R3HDM2: variants seen among roughly 807,000 people sequenced by gnomAD.
The protein encoded by R3HDM2 is R3H domain-containing protein 2.
In R3HDM2, 38 loss-of-function variants were observed where a neutral mutation model predicts 124.5. The observed-to-expected ratio is 0.31, with a 90% CI of 0.24 to 0.40. The LOEUF is 0.40. R3HDM2 is among the 10% of genes least tolerant of loss of function. R3HDM2 has a pLI of 1.00. For synonymous variants in R3HDM2, 391 were observed against 448.0 expected, an observed-to-expected ratio of 0.87 and a Z score of 1.61; for missense variants, 869 against 1,236.9, an observed-to-expected ratio of 0.70 and a Z score of 4.46.
chr12:57,353,106 CA>C lies in R3HDM2; in HGVS notation c.-36+42642del, dbSNP rs148326703. Among the ~76,000 whole-genome samples, 1,250 of 152,116 alleles carry C rather than the reference CA, an allele frequency of 8.2e-3. 14 individuals carry two copies. The highest frequency in any genetic ancestry group is 0.028 in the African/African-American group (1,167 of 41,526). ...AGGATTTCTTGAATAAGAATTAGCA[CA>C]AATCAGAAAAAACATTGAAACTTTT... On this transcript the variant is annotated intron_variant, in intron 2 of 23. Coordinates refer to ENST00000402412, the MANE Select transcript of R3HDM2 (RefSeq NM_001394031.1).
Position 57,313,505 on chromosome 12 carries a change from A to T in R3HDM2, c.-35-3042T>A, listed in dbSNP as rs534986241. Among the ~76,000 whole-genome samples the T allele has an allele frequency of 2.0e-5, 3 of 151,784 alleles. No homozygotes were observed. The East Asian group carries it at 5.8e-4, about 29-fold the overall frequency. On this transcript the variant is annotated intron_variant, in intron 2 of 23. Coordinates refer to ENST00000402412, the MANE Select transcript of R3HDM2 (RefSeq NM_001394031.1). Reference sequence around the variant, plus strand: ...CTTGAGCCCAGGAGGTCAAGGATGCATTGAGCCATGACTCTGCCACTGCAC... The same window carrying T: ...CTTGAGCCCAGGAGGTCAAGGATGCTTTGAGCCATGACTCTGCCACTGCAC...
chr12:57,299,183 G>C (rs2050561320), intron 6 of R3HDM2, among the ~76,000 whole-genome samples, 169 bp downstream of exon 6: 1 of 152,198 alleles, frequency 6.6e-6, no homozygotes, highest in Admixed American at 6.5e-5. Context: ...CCTAAGGCAG[G>C]TTCAGTTAAA....
At chr12:57,343,459 G>C (rs946125855) in intron 2 of R3HDM2, among the ~76,000 whole-genome samples, 6 of 151,918 alleles carry the variant, frequency 3.9e-5, no homozygotes, top group Non-Finnish European at 8.8e-5. Context: ...AAAATGCTGG[G>C]ATTACAGACG....
At chr12:57,331,558 TATA>T (rs769572446) in intron 2 of R3HDM2, among the ~76,000 whole-genome samples, 1 of 152,084 alleles carries the variant, frequency 6.6e-6, no homozygotes, top group Non-Finnish European at 1.5e-5. Context: ...GTGCCTGGCA[TATA>T]ATAAGTATAT....
rs960403717 is a variant in R3HDM2 at position 57,254,655 on chromosome 12, G to T, written c.*118C>A. ...GTTTCCATCTTCATCACTGTCTTAG[G>T]TTCCAGTTTAACATCAGTTTCCTTA... On this transcript the variant is annotated 3_prime_UTR_variant, in exon 24 of 24. Transcript: ENST00000402412. 31 of 883,124 alleles carry T rather than the reference G, an allele frequency of 3.5e-5. No individual in the cohort carries two copies. The highest frequency in any genetic ancestry group is 6.7e-5 in the African/African-American group (4 of 59,266). The allele number at this position is 883,124 out of a possible 1,614,324, so 54.7% of individuals were successfully genotyped here.
intron 2 of R3HDM2, among the ~76,000 whole-genome samples, chr12:57,319,792 A>G (rs921292747): frequency 6.6e-6 from 1 of 152,162 alleles, no homozygotes; most frequent in Non-Finnish European, 1.5e-5. Context: ...AAGATAAACT[A>G]AGCATAAAAC....
At chr12:57,375,460 AG>A (rs1301287819) in intron 2 of R3HDM2, among the ~76,000 whole-genome samples, 10 of 152,308 alleles carry the variant, frequency 6.6e-5, no homozygotes, top group Admixed American at 4.6e-4. Flanking sequence ...CTATTTTTAG[AG>A]GAAAAAAATG....
intron 2 of R3HDM2, among the ~76,000 whole-genome samples, chr12:57,337,546 G>C (rs989195394): frequency 1.3e-5 from 2 of 151,988 alleles, no homozygotes; most frequent in African/African-American, 4.8e-5. Context: ...ATTTTTTTAA[G>C]TCACTGCAAA....
At chr12:57,288,761 G>T (rs1161956429) in intron 12 of R3HDM2, 4 of 1,018,408 alleles carry the variant, frequency 3.9e-6, no homozygotes, top group East Asian at 5.2e-5. Flanking sequence ...TCCACAAGCA[G>T]CCATGCATGG....
At chr12:57,264,356 G>C (rs2041750527) in intron 19 of R3HDM2, among the ~76,000 whole-genome samples, 1 of 123,404 alleles carries the variant, frequency 8.1e-6, no homozygotes, top group Non-Finnish European at 1.6e-5. Context: ...AGGAGTTCAA[G>C]AACAGCCTGG....
chr12:57,427,222 T>C (rs1360920839), intron 1 of R3HDM2, among the ~76,000 whole-genome samples: 2 of 150,640 alleles, frequency 1.3e-5, no homozygotes, highest in African/African-American at 2.4e-5. Flanking sequence ...ACCCGGGAGG[T>C]GGAGGTTGCA....
chr12:57,360,876 C>A (rs1045300746), intron 2 of R3HDM2, among the ~76,000 whole-genome samples: 1 of 151,204 alleles, frequency 6.6e-6, no homozygotes, highest in African/African-American at 2.4e-5. Context: ...CACGGTGAAA[C>A]CCTGTCTCTA....
At chr12:57,340,947 A>T (rs1455464537) in intron 2 of R3HDM2, among the ~76,000 whole-genome samples, 12 of 152,192 alleles carry the variant, frequency 7.9e-5, no homozygotes, top group Non-Finnish European at 1.5e-4. Context: ...CTAAGAGTAT[A>T]TATAACAATT....
At chr12:57,407,020 G>A (rs144957022) in intron 1 of R3HDM2, among the ~76,000 whole-genome samples, 5,670 of 152,154 alleles carry the variant, frequency 0.037, 202 homozygotes, top group East Asian at 0.2. Flanking sequence ...AGGCCAAGGC[G>A]GGCGGATTGC....
At chr12:57,430,496 CACCG>C in intron 1 of R3HDM2, 1 of 940,702 alleles carries the variant, frequency 1.1e-6, no homozygotes, top group Non-Finnish European at 1.3e-6. Flanking sequence ...CCTGCCCCCG[CACCG>C]CCGCCCTCCG....
At chr12:57,286,187 G>C (rs1016267540) in intron 12 of R3HDM2, among the ~76,000 whole-genome samples, 1 of 152,156 alleles carries the variant, frequency 6.6e-6, no homozygotes, top group Non-Finnish European at 1.5e-5. Flanking sequence ...TGTAAAATCA[G>C]AGCTGATTAG....
intron 1 of R3HDM2, among the ~76,000 whole-genome samples, chr12:57,422,757 G>A (rs59470370): frequency 0.063 from 9,508 of 151,236 alleles, 406 homozygotes; most frequent in East Asian, 0.21. Flanking sequence ...AGGACAGGAC[G>A]ACTGCTTGAG....
intron 2 of R3HDM2, among the ~76,000 whole-genome samples, chr12:57,334,165 C>G (rs1224577293): frequency 6.6e-6 from 1 of 152,206 alleles, no homozygotes; most frequent in Non-Finnish European, 1.5e-5. Flanking sequence ...GCTCAATTCA[C>G]AGATAGGTGG....
chr12:57,408,834 G>A (rs1199242143), intron 1 of R3HDM2, among the ~76,000 whole-genome samples: 4 of 147,074 alleles, frequency 2.7e-5, no homozygotes, highest in Non-Finnish European at 4.5e-5. Context: ...ACTCAGGAGT[G>A]GATTACTGAT....
Sources: allele counts gnomAD v4.1 joint callset (sites outside exome capture counted in the v4.1 genomes callset), GRCh38; gene constraint gnomAD v4.1.1; transcripts MANE v1.5; gene names NCBI Gene and HGNC (gene_info 2026-07-23, HGNC 2026-07-21).